RAB28: variants seen among roughly 807,000 people sequenced by gnomAD.
RAB28 encodes ras-related protein Rab-28.
In RAB28, 24 loss-of-function variants were observed where a neutral mutation model predicts 31.7. That is an observed-to-expected ratio of 0.76 (90% CI 0.55 to 1.06). RAB28 has a LOEUF of 1.06. Among genes scored for constraint, RAB28 ranks in the 50% least tolerant of loss-of-function variants. RAB28 has a pLI of 0.00. For synonymous variants in RAB28, 100 were observed against 90.4 expected (o/e 1.11, Z -0.60); for missense variants, 254 against 258.5 (o/e 0.98, Z 0.12).
At chr4:13,449,739 GA>G (rs1714867147) in intron 4 of RAB28, among the ~76,000 whole-genome samples, 1 of 151,810 alleles carries the variant, frequency 6.6e-6, no homozygotes, top group Admixed American at 6.6e-5. Context: ...TTTAAGAGTA[GA>G]AATCATTCAT....
intron 1 of RAB28, among the ~76,000 whole-genome samples, chr4:13,480,380 GAGAA>G (rs1403389045): frequency 5.3e-5 from 8 of 151,864 alleles, no homozygotes; most frequent in South Asian, 2.1e-4. Flanking sequence ...CTCCAAAAAA[GAGAA>G]AGGCAACTTC....
intron 6 of RAB28, chr4:13,370,697 A>C: frequency 1.0e-6 from 1 of 984,876 alleles, no homozygotes; most frequent in Non-Finnish European, 1.2e-6. Flanking sequence ...TCGCTCCCCC[A>C]TTCCTCCCGA....
chr4:13,409,495 C>T (rs1369451053), intron 4 of RAB28, among the ~76,000 whole-genome samples: 1 of 152,198 alleles, frequency 6.6e-6, no homozygotes, highest in Non-Finnish European at 1.5e-5. Flanking sequence ...GAGAAGCTTG[C>T]ACCAATCACT....
In RAB28 at chr4:13,382,612, G is replaced by A. The variant is rs576575674; in HGVS notation, c.392-1018C>T. ...AAGTCTTTAGTTTGTAGGCTCAAGG[G>A]TTCTCTCTCTAGGAGATTTTTTTTA... On this transcript the variant is annotated intron_variant, in intron 4 of 6. Coordinates refer to ENST00000330852, the MANE Select transcript of RAB28 (RefSeq NM_001017979.3). Among the ~76,000 whole-genome samples, 93 of 151,096 alleles carry A rather than the reference G, an allele frequency of 6.2e-4. 1 individual carries two copies. Among genetic ancestry groups the A allele is most frequent in the Non-Finnish European group, 1.1e-3 (73 of 67,918 alleles).
intron 4 of RAB28, among the ~76,000 whole-genome samples, chr4:13,441,174 G>A (rs922011777): frequency 2.6e-5 from 4 of 152,110 alleles, no homozygotes; most frequent in African/African-American, 9.7e-5. Context: ...AAGTTAATAC[G>A]CATTAACTGT....
At chr4:13,483,958 C>G (rs1716741430) in intron 1 of RAB28, 118 bp downstream of exon 1, 1 of 955,498 alleles carries the variant, frequency 1.0e-6, no homozygotes, top group African/African-American at 1.6e-5. Context: ...ACCAGAAGGG[C>G]CCGGGCCTAG....
intron 6 of RAB28, among the ~76,000 whole-genome samples, chr4:13,374,904 A>G (rs1728859807): frequency 6.6e-6 from 1 of 152,168 alleles, no homozygotes; most frequent in South Asian, 2.1e-4. Context: ...GGCATTCATA[A>G]ATCCCCAAAA....
At position 13,410,706 on chromosome 4, in the gene RAB28, CTG is replaced by C. The variant is rs533705582; in HGVS notation, c.392-29114_392-29113del. On this transcript the variant is annotated intron_variant, in intron 4 of 6. Transcript: ENST00000330852. ...ATAAAGAACAATGCAAAAGAAAAAACTGTGTGTGTGGTAGCGTTACAATCAAC... is the reference window on the plus strand; with the variant it reads ...ATAAAGAACAATGCAAAAGAAAAAACTGTGTGTGGTAGCGTTACAATCAAC... 1.2e-3 allele frequency among the ~76,000 whole-genome samples: 183 copies of C among 152,066 alleles called. 1 individual carries two copies. Among genetic ancestry groups the C allele is most frequent in the African/African-American group, 4.2e-3 (174 of 41,500 alleles).
intron 4 of RAB28, among the ~76,000 whole-genome samples, chr4:13,409,388 T>C (rs904586155): frequency 6.6e-6 from 1 of 152,160 alleles, no homozygotes; most frequent in Admixed American, 6.5e-5. Context: ...TAAAAATATG[T>C]CTGAATGTTA....
At chr4:13,379,308 A>T (rs1330150924) in intron 5 of RAB28, among the ~76,000 whole-genome samples, 2 of 151,138 alleles carry the variant, frequency 1.3e-5, no homozygotes, top group African/African-American at 4.9e-5. Flanking sequence ...CCCACTTGAG[A>T]TTAGTGATTG....
intron 4 of RAB28, among the ~76,000 whole-genome samples, chr4:13,439,397 C>T (rs911896348): frequency 7.9e-5 from 12 of 152,228 alleles, no homozygotes; most frequent in Non-Finnish European, 1.6e-4. Flanking sequence ...CCCTGTCACC[C>T]AGGCTGGAGT....
chr4:13,374,987 AATACAACC>A (rs1728862581), intron 6 of RAB28, among the ~76,000 whole-genome samples: 1 of 152,124 alleles, frequency 6.6e-6, no homozygotes, highest in African/African-American at 2.4e-5. Flanking sequence ...CTGTTTCCAA[AATACAACC>A]TAACCTTTTC....
intron 3 of RAB28, among the ~76,000 whole-genome samples, chr4:13,471,005 G>A (rs1716092251): frequency 6.6e-6 from 1 of 152,018 alleles, no homozygotes; most frequent in Non-Finnish European, 1.5e-5. Context: ...GTTAAGAAAT[G>A]CTTTAAAGAA....
chr4:13,433,917 C>G (rs1052173277), intron 4 of RAB28, among the ~76,000 whole-genome samples: 1 of 152,078 alleles, frequency 6.6e-6, no homozygotes, highest in African/African-American at 2.4e-5. Flanking sequence ...AACCTAGATG[C>G]CCATCAATGG....
chr4:13,472,665 C>T (rs1310267971), intron 3 of RAB28, among the ~76,000 whole-genome samples: 3 of 151,686 alleles, frequency 2.0e-5, no homozygotes, highest in Admixed American at 2.0e-4. Flanking sequence ...TTCTTAAAAT[C>T]ATATATGTAG....
chr4:13,419,505 G>C (rs1246982876), intron 4 of RAB28, among the ~76,000 whole-genome samples: 2 of 152,164 alleles, frequency 1.3e-5, no homozygotes, highest in Admixed American at 1.3e-4. Flanking sequence ...TGGAAGTAAA[G>C]CACTCCTCAG....
intron 4 of RAB28, among the ~76,000 whole-genome samples, chr4:13,457,550 AAG>A (rs1423772764): frequency 3.3e-5 from 5 of 152,044 alleles, no homozygotes; most frequent in Non-Finnish European, 7.4e-5. Context: ...CTCATACTGA[AAG>A]AGTGTATTAT....
intron 4 of RAB28, among the ~76,000 whole-genome samples, chr4:13,445,986 C>A (rs1714673479): frequency 6.6e-6 from 1 of 152,132 alleles, no homozygotes; most frequent in Admixed American, 6.5e-5. Context: ...CCCCTCCCCC[C>A]AGGTGCTCTA....
intron 4 of RAB28, among the ~76,000 whole-genome samples, chr4:13,420,773 AT>A (rs1271579554): frequency 9.9e-5 from 15 of 152,244 alleles, no homozygotes; most frequent in African/African-American, 3.4e-4. Context: ...AATGAGAGCT[AT>A]TTATGACAAA....
Sources: gnomAD v4.1 joint callset for allele counts (sites outside exome capture counted in the v4.1 genomes callset) on GRCh38, gnomAD v4.1.1 for gene constraint, MANE v1.5 for transcripts, NCBI Gene and HGNC (gene_info 2026-07-23, HGNC 2026-07-21) for gene names.